Variants in TUT4 observed in about 807,000 individuals in gnomAD.
TUT4 encodes terminal uridylyltransferase 4.
Under a neutral mutation model 192.2 loss-of-function variants are expected in TUT4, and 36 were observed. The ratio of observed to expected loss-of-function variants is 0.19; its 90% CI spans 0.14 to 0.25. TUT4 has a LOEUF of 0.25. TUT4 is among the 10% of genes least tolerant of loss of function. The pLI, the probability that TUT4 is intolerant of heterozygous loss-of-function variation, is 1.00. For synonymous variants in TUT4, 618 were observed against 666.0 expected (o/e 0.93, Z 1.11); for missense variants, 1,493 against 1,957.2 (o/e 0.76, Z 4.47).
chr1:52,444,975 A>ATG (rs909187311), intron 24 of TUT4, among the ~76,000 whole-genome samples: 2 of 140,688 alleles, frequency 1.4e-5, no homozygotes, highest in Non-Finnish European at 3.2e-5. Context: ...ATACATGTAT[A>ATG]TGTGTGTATA....
At chr1:52,540,948 G>A (rs2149662459) in intron 1 of TUT4, among the ~76,000 whole-genome samples, 1 of 152,310 alleles carries the variant, frequency 6.6e-6, no homozygotes, top group Admixed American at 6.5e-5. Context: ...GCTCACGCCT[G>A]TAATCTCAGC....
At chr1:52,515,583 T>C (rs1379697508) in intron 3 of TUT4, 2 of 481,224 alleles carry the variant, frequency 4.2e-6, no homozygotes, top group East Asian at 3.1e-5. Flanking sequence ...TCCAATAAAA[T>C]GTTTACCAAA....
intron 20 of TUT4, 78 bp from the exon 21 acceptor site, chr1:52,446,745 G>A: frequency 9.8e-7 from 1 of 1,020,274 alleles, no homozygotes; most frequent in African/African-American, 1.6e-5. Context: ...TACCATTTTA[G>A]AATTTACCTA....
chr1:52,474,826 T>A lies in TUT4; in HGVS notation c.2727+6A>T. 6.3e-7 allele frequency: 1 copy of A among 1,582,834 alleles called. No individual in the cohort carries two copies. The highest frequency in any genetic ancestry group is 2.2e-5 in the East Asian group (1 of 44,598). ...TCTTACAGATCATTTACAAACTGTA[T>A]CCTACCTTGCCAGAGGTTAAAATAA... On this transcript the variant is annotated splice_donor_region_variant and intron_variant, in intron 13 of 29. Transcript: ENST00000257177.
chr1:52,476,686 T>C (rs954081578), intron 12 of TUT4, among the ~76,000 whole-genome samples: 15 of 152,208 alleles, frequency 9.9e-5, no homozygotes, highest in Non-Finnish European at 2.1e-4. Context: ...AGATAAATTA[T>C]GGCTGGCAGG....
Position 52,450,895 on chromosome 1 carries a change from C to T in TUT4, c.3436-4228G>A, listed in dbSNP as rs945249610. ...TCCATTTTTGTTAATCATAGTATTC[C>T]GGCAAAGTGGCAAATGATATTACTG... On this transcript the variant is annotated intron_variant, in intron 20 of 29. Coordinates refer to ENST00000257177, the MANE Select transcript of TUT4 (RefSeq NM_001009881.3). Among the ~76,000 whole-genome samples, 9 of 151,606 alleles carry T rather than the reference C, an allele frequency of 5.9e-5. 1 individual carries two copies. Among genetic ancestry groups the T allele is most frequent in the Admixed American group, 6.6e-5 (1 of 15,214 alleles).
At chr1:52,437,038 T>A in intron 25 of TUT4, 60 bp from the exon 26 acceptor site, 1 of 1,570,830 alleles carries the variant, frequency 6.4e-7, no homozygotes, top group Non-Finnish European at 8.6e-7. Flanking sequence ...GAACAAACTA[T>A]GCAGGACTCT....
At chr1:52,472,167 G>A in intron 13 of TUT4, 65 bp from the exon 14 acceptor site, 1 of 1,440,122 alleles carries the variant, frequency 6.9e-7, no homozygotes, top group East Asian at 2.4e-5. Context: ...CTTAGGAAGT[G>A]AATTCAAAAC....
At chr1:52,432,249 T>A (rs1652325480) in intron 27 of TUT4, 1 of 152,132 alleles carries the variant, frequency 6.6e-6, no homozygotes. Flanking sequence ...GAAAGCTTCC[T>A]AGAAAAAGTG....
At chr1:52,504,969 T>C (rs758129492) in intron 4 of TUT4, among the ~76,000 whole-genome samples, 54 of 152,244 alleles carry the variant, frequency 3.5e-4, no homozygotes, top group Non-Finnish European at 4.7e-4. Context: ...TTTGCTTATC[T>C]ATTCATCCAT....
chr1:52,462,518 T>C (rs1178793506), intron 16 of TUT4: 1 of 168,226 alleles, frequency 5.9e-6, no homozygotes, highest in African/African-American at 2.4e-5. Flanking sequence ...ATTAGCTGTG[T>C]GACTAACCAG....
chr1:52,434,538 A>AGG (rs1653137629), intron 27 of TUT4: 1 of 152,198 alleles, frequency 6.6e-6, no homozygotes, highest in Non-Finnish European at 1.5e-5. Context: ...AACAAACAAT[A>AGG]TTAAACTTAT....
chr1:52,480,519 A>T (rs937992780), intron 11 of TUT4, among the ~76,000 whole-genome samples: 5 of 152,188 alleles, frequency 3.3e-5, no homozygotes, highest in Non-Finnish European at 7.3e-5. Flanking sequence ...AAATACAGAC[A>T]TTTCTTTAAG....
Position 52,481,457 on chromosome 1 carries a change from T to A in TUT4, c.1814A>T (p.Asn605Ile). 1.2e-6 allele frequency: 2 copies of A among 1,613,950 alleles called. No homozygotes were observed. The highest frequency in any genetic ancestry group is 4.5e-5 in the East Asian group (2 of 44,842). The change falls in exon 11 of 30, where the codon AAC becomes ATC. Residue 605 changes from asparagine (N) to isoleucine (I), a missense_variant. By Grantham distance (149) the Asn-to-Ile change is moderately radical. Transcript: ENST00000257177. ...TTTTTCCTTCATGGCATTACTTTGG[T>A]TGTCTGTTTCTGTCTTCTTGGTATC... Reference protein sequence around the residue: ...KDDTKKTETDNQSNAMKEKHG... With the variant: ...KDDTKKTETDIQSNAMKEKHG...
intron 11 of TUT4, among the ~76,000 whole-genome samples, chr1:52,479,599 A>T (rs897028556): frequency 2.6e-5 from 4 of 152,194 alleles, no homozygotes; most frequent in African/African-American, 9.7e-5. Context: ...TTAATTGAGC[A>T]ACTGAAAGGA....
intron 29 of TUT4, 86 bp from the exon 30 acceptor site, chr1:52,424,088 CT>C (rs1001050497): frequency 7.3e-7 from 1 of 1,363,882 alleles, no homozygotes; most frequent in Non-Finnish European, 1.0e-6. Context: ...AGTTAGCTTT[CT>C]TTTTTTCTAT....
intron 24 of TUT4, among the ~76,000 whole-genome samples, chr1:52,443,911 C>T (rs1656525376): frequency 6.6e-6 from 1 of 152,120 alleles, no homozygotes; most frequent in South Asian, 2.1e-4. Flanking sequence ...TTGTTTTGAT[C>T]TGTTTTTCAT....
chr1:52,530,769 G>T (rs1024990678), intron 1 of TUT4, among the ~76,000 whole-genome samples: 2 of 152,158 alleles, frequency 1.3e-5, no homozygotes, highest in Non-Finnish European at 1.5e-5. Context: ...ATAGGAGGCT[G>T]AGGTAGGCTG....
chr1:52,545,202 T>C (rs1384531138), intron 1 of TUT4, among the ~76,000 whole-genome samples: 1 of 151,696 alleles, frequency 6.6e-6, no homozygotes, highest in East Asian at 1.9e-4. Context: ...ATGGTGAAAT[T>C]CCGTCTCTAC....
Sources: gnomAD v4.1 joint callset for allele counts (sites outside exome capture counted in the v4.1 genomes callset) on GRCh38, gnomAD v4.1.1 for gene constraint, MANE v1.5 for transcripts, NCBI Gene and HGNC (gene_info 2026-07-23, HGNC 2026-07-21) for gene names.